RAB31: variants seen among roughly 807,000 people sequenced by gnomAD.
RAB31 encodes the protein ras-related protein Rab-31.
RAB31 carries 21 observed loss-of-function variants against 25.6 expected under a neutral mutation model. That is an observed-to-expected ratio of 0.82 (90% CI 0.58 to 1.18). The LOEUF (loss-of-function observed/expected upper bound fraction) is 1.18. RAB31 is among the 50% of genes most tolerant of loss of function. The pLI, the probability that RAB31 is intolerant of heterozygous loss-of-function variation, is 0.00. For synonymous variants in RAB31, 87 were observed against 84.0 expected (o/e 1.04, Z -0.20); for missense variants, 196 against 250.1 (o/e 0.78, Z 1.46).
intron 5 of RAB31, among the ~76,000 whole-genome samples, chr18:9,843,746 G>T (rs1435759197): frequency 6.6e-6 from 1 of 152,164 alleles, no homozygotes; most frequent in African/African-American, 2.4e-5. Context: ...TTTCCCTGCA[G>T]TTTGGAAGCA....
At chr18:9,758,290 G>C (rs1355113194) in intron 1 of RAB31, 1 of 152,488 alleles carries the variant, frequency 6.6e-6, no homozygotes, top group Non-Finnish European at 1.5e-5. Flanking sequence ...GGGATCAGCA[G>C]GATGGGGGAG....
chr18:9,720,211 G>A (rs983175268), intron 1 of RAB31, among the ~76,000 whole-genome samples: 2 of 152,136 alleles, frequency 1.3e-5, no homozygotes, highest in Non-Finnish European at 2.9e-5. Flanking sequence ...TGATCCACCC[G>A]CCTCGACCTC....
intron 2 of RAB31, chr18:9,785,035 A>C (rs1265945187): frequency 6.6e-6 from 1 of 152,316 alleles, no homozygotes; most frequent in Non-Finnish European, 1.5e-5. Context: ...AGTGTGATTG[A>C]CATAAAGACC....
chr18:9,858,736 T>C (rs1410438768), intron 6 of RAB31, among the ~76,000 whole-genome samples: 1 of 152,196 alleles, frequency 6.6e-6, no homozygotes, highest in East Asian at 1.9e-4. Context: ...ATGAGCTAAG[T>C]GTTAATAAAT....
chr18:9,782,079 G>C (rs932783507), intron 2 of RAB31, among the ~76,000 whole-genome samples: 5 of 152,210 alleles, frequency 3.3e-5, no homozygotes, highest in Non-Finnish European at 7.3e-5. Flanking sequence ...GCCAGCCGGT[G>C]CCACTCCGCA....
intron 2 of RAB31, among the ~76,000 whole-genome samples, chr18:9,783,553 AT>A (rs3216099): frequency 0.19 from 29,537 of 152,200 alleles, 3,111 homozygotes; most frequent in East Asian, 0.36. Context: ...TCTGACTAAC[AT>A]CAAAAGTGAA....
intron 1 of RAB31, among the ~76,000 whole-genome samples, chr18:9,742,853 G>A (rs1403177928): frequency 6.6e-6 from 1 of 152,164 alleles, no homozygotes; most frequent in Non-Finnish European, 1.5e-5. Flanking sequence ...GCAGAGGGGT[G>A]GAGCCACAAC....
intron 1 of RAB31, among the ~76,000 whole-genome samples, chr18:9,748,315 A>G (rs1178746734): frequency 6.6e-6 from 1 of 151,140 alleles, no homozygotes; most frequent in East Asian, 2.0e-4. Flanking sequence ...TGGACAACAC[A>G]GTGAGACCCT....
intron 1 of RAB31, among the ~76,000 whole-genome samples, chr18:9,758,794 C>T (rs2068272751): frequency 6.6e-6 from 1 of 152,060 alleles, no homozygotes; most frequent in Non-Finnish European, 1.5e-5. Context: ...GACCTTTCAT[C>T]CATCCCCCTG....
chr18:9,844,678 C>A (rs2068751197), intron 5 of RAB31: 1 of 152,202 alleles, frequency 6.6e-6, no homozygotes, highest in Admixed American at 6.5e-5. Flanking sequence ...GGAACTGCAT[C>A]TTTTTTATCT....
intron 1 of RAB31, among the ~76,000 whole-genome samples, chr18:9,742,015 C>T (rs1386483729): frequency 4.6e-5 from 7 of 152,310 alleles, no homozygotes; most frequent in East Asian, 1.9e-4. Context: ...TCCTGTCTCA[C>T]GCTGTCCCCA....
chr18:9,803,240 C>CTTTTTTTT lies in RAB31; in HGVS notation c.202-10773_202-10766dup, dbSNP rs60889612. Among the ~76,000 whole-genome samples, 8 of 141,670 alleles carry CTTTTTTTT rather than the reference C, an allele frequency of 5.6e-5. No homozygotes were observed. The South Asian group carries it at 6.8e-4, about 12-fold the overall frequency. 92.9% of individuals were successfully genotyped at this position (141,670 alleles called of 152,430 possible). Reference sequence around the variant, plus strand: ...CTTTCTTTTCTTCTCTTTTTCCTTTCTTTTTTTTTTTTTTAGGCAGGGTCT... The same window carrying CTTTTTTTT: ...CTTTCTTTTCTTCTCTTTTTCCTTTCTTTTTTTTTTTTTTTTTTTTTTAGGCAGGGTCT... On this transcript the variant is annotated intron_variant, in intron 3 of 6. Coordinates refer to ENST00000578921, the MANE Select transcript of RAB31 (RefSeq NM_006868.4).
At chr18:9,798,140 C>T (rs906584898) in intron 3 of RAB31, among the ~76,000 whole-genome samples, 4 of 152,278 alleles carry the variant, frequency 2.6e-5, no homozygotes, top group Admixed American at 1.3e-4. Flanking sequence ...CTTTATACTT[C>T]GAGGAAGACG....
chr18:9,748,441 G>T (rs967414246), intron 1 of RAB31, among the ~76,000 whole-genome samples: 3 of 152,126 alleles, frequency 2.0e-5, no homozygotes, highest in Non-Finnish European at 4.4e-5. Context: ...AGAAGGTTGA[G>T]GCTACAGTAA....
intron 5 of RAB31, among the ~76,000 whole-genome samples, chr18:9,839,639 C>T (rs186992979): frequency 3.7e-4 from 57 of 152,186 alleles, no homozygotes; most frequent in East Asian, 2.5e-3. Context: ...GGTGGTTGGT[C>T]GGGCTTTGAC....
chr18:9,792,212 T>C lies in RAB31; in HGVS notation c.178T>C (p.Trp60Arg). ...CGNELHKFLI[W>R]DTAGQERFHS... ...AAATGAACTTCACAAGTTCCTCATC[T>C]GGGACACTGCTGGTCAGGAACGGGT... Residue 60 changes from tryptophan to arginine, a missense_variant, in exon 3 of 7, where the codon TGG becomes CGG. Trp to Arg is a moderately radical substitution (Grantham distance 101). Coordinates refer to ENST00000578921, the MANE Select transcript of RAB31 (RefSeq NM_006868.4). 6.2e-7 allele frequency: 1 copy of C among 1,612,552 alleles called. No individual in the cohort carries two copies. Among genetic ancestry groups the C allele is most frequent in the Non-Finnish European group, 8.5e-7 (1 of 1,179,272 alleles).
At chr18:9,775,550 A>AT (rs11369597) in intron 2 of RAB31, among the ~76,000 whole-genome samples, 193 bp downstream of exon 2, 87,320 of 149,916 alleles carry the variant, frequency 0.58, 26,203 homozygotes, top group African/African-American at 0.75. Flanking sequence ...CCTGTCGGTC[A>AT]TTTTTTTTTT....
intron 1 of RAB31, among the ~76,000 whole-genome samples, chr18:9,773,355 A>G (rs897514009): frequency 2.6e-5 from 4 of 152,314 alleles, no homozygotes; most frequent in Non-Finnish European, 4.4e-5. Context: ...TTTCAAATTT[A>G]TACCTTTAAT....
chr18:9,729,611 G>A (rs1292127807), intron 1 of RAB31, among the ~76,000 whole-genome samples: 2 of 152,060 alleles, frequency 1.3e-5, no homozygotes, highest in Non-Finnish European at 2.9e-5. Flanking sequence ...TGAGCACGTG[G>A]ATTTTGGGAT....
Sources: gnomAD v4.1 joint callset for allele counts (sites outside exome capture counted in the v4.1 genomes callset) on GRCh38, gnomAD v4.1.1 for gene constraint, MANE v1.5 for transcripts, NCBI Gene and HGNC (gene_info 2026-07-23, HGNC 2026-07-21) for gene names.